Variants in DYM observed in about 807,000 individuals in gnomAD.
DYM encodes dyggve-Melchior-Clausen syndrome protein.
DYM carries 78 observed loss-of-function variants against 93.1 expected under a neutral mutation model. That is an observed-to-expected ratio of 0.84 (90% confidence interval 0.70 to 1.01). The LOEUF (loss-of-function observed/expected upper bound fraction) is 1.01. Among genes scored for constraint, DYM ranks in the 50% least tolerant of loss-of-function variants. The probability of loss-of-function intolerance (pLI) is 0.00; values close to 1 mark genes in which losing one functional copy is unlikely to be tolerated. For missense variants in DYM, 789 were observed against 845.0 expected, an observed-to-expected ratio of 0.93 and a Z score of 0.82; for synonymous variants, 321 against 319.7, an observed-to-expected ratio of 1.00 and a Z score of -0.04.
chr18:49,143,526 G>A (rs747907507), intron 15 of DYM, among the ~76,000 whole-genome samples: 16 of 152,118 alleles, frequency 1.1e-4, no homozygotes, highest in South Asian at 6.2e-4. Context: ...TTGGCAAGCC[G>A]GATATTGGTC....
chr18:49,187,989 C>A (rs1224970927), intron 14 of DYM, among the ~76,000 whole-genome samples: 1 of 152,152 alleles, frequency 6.6e-6, no homozygotes, highest in Non-Finnish European at 1.5e-5. Context: ...CTTATTGATT[C>A]TTTTTCATTC....
intron 17 of DYM, among the ~76,000 whole-genome samples, chr18:49,047,391 C>T (rs1019382310): frequency 2.0e-5 from 3 of 152,228 alleles, no homozygotes; most frequent in Non-Finnish European, 2.9e-5. Context: ...ATGGAGGGGA[C>T]AACTTCTTTA....
At chr18:49,287,796 G>A (rs1253363330) in intron 8 of DYM, among the ~76,000 whole-genome samples, 1 of 135,064 alleles carries the variant, frequency 7.4e-6, no homozygotes, top group Non-Finnish European at 1.5e-5. Flanking sequence ...GGTGAGCTGA[G>A]ATCGCGCCAC....
rs527592675 is a variant in DYM at position 49,335,579 on chromosome 18, A to G, written c.495-1726T>C. On this transcript the variant is annotated intron_variant, in intron 6 of 17. Coordinates refer to ENST00000675505, the MANE Select transcript of DYM (RefSeq NM_001353214.3). ...GTCATGTTATGATTTACTAATGATG[A>G]TTTGATTTGGGTGCTCAGAACCCCC... Among the ~76,000 whole-genome samples the G allele has an allele frequency of 3.3e-5, 5 of 152,320 alleles. No individual in the cohort carries two copies. In the East Asian group the frequency reaches 9.6e-4, roughly 29 times the overall value.
rs752865908 is a variant in DYM at position 49,097,446 on chromosome 18, T to C, written c.1981A>G (p.Ile661Val). The C allele has an allele frequency of 2.9e-5, 47 of 1,613,946 alleles. 1 individual carries two copies. Among genetic ancestry groups the C allele is most frequent in the Middle Eastern group, 3.3e-4 (2 of 6,082 alleles). The stretch of plus-strand genomic sequence containing the variant: ...AGCGCAACGACGCCTTGCTTAATGA[T>C]TTCCAGGACCCGTTCCACTGACAGC... The part of the protein sequence containing the change: ...AELSVERVLE[I>V]IKQGVVALPK... Residue 661 changes from isoleucine to valine, a missense_variant, in exon 17 of 18, where the codon ATC becomes GTC. This residue lies in a region of DYM where 114 missense variants were observed against 105.8 expected (regional missense o/e 1.08). Transcript: ENST00000675505.
chr18:49,283,776 T>C (rs1049524632), intron 9 of DYM, among the ~76,000 whole-genome samples: 3 of 152,216 alleles, frequency 2.0e-5, no homozygotes, highest in African/African-American at 4.8e-5. Flanking sequence ...TGTGCTCTTA[T>C]GGAAAAAGAG....
intron 14 of DYM, among the ~76,000 whole-genome samples, chr18:49,170,691 A>T (rs2088563364): frequency 6.7e-6 from 1 of 148,448 alleles, no homozygotes. Flanking sequence ...GAGGCAGGAG[A>T]ATTCTTGAAC....
chr18:49,287,248 T>C (rs2059724547), intron 8 of DYM, among the ~76,000 whole-genome samples: 3 of 151,800 alleles, frequency 2.0e-5, no homozygotes, highest in Admixed American at 6.6e-5. Flanking sequence ...AGTACAAGAA[T>C]TGTTCACCAT....
chr18:49,096,627 T>C (rs1037591430), intron 17 of DYM, among the ~76,000 whole-genome samples: 2 of 152,244 alleles, frequency 1.3e-5, no homozygotes. Context: ...CATTCATGCA[T>C]TCCCCAAAGG....
chr18:49,222,586 C>G (rs1309804371), intron 13 of DYM, among the ~76,000 whole-genome samples: 1 of 152,094 alleles, frequency 6.6e-6, no homozygotes, highest in Admixed American at 6.6e-5. Flanking sequence ...AATAACTGCT[C>G]TGCGACTGAT....
chr18:49,107,644 G>T (rs573681498), intron 16 of DYM, among the ~76,000 whole-genome samples: 2 of 152,324 alleles, frequency 1.3e-5, no homozygotes, highest in East Asian at 3.9e-4. Context: ...CTCAGCTGCA[G>T]GTCTGTTGGA....
intron 13 of DYM, among the ~76,000 whole-genome samples, chr18:49,217,415 T>C (rs1223622731): frequency 6.6e-6 from 1 of 151,936 alleles, no homozygotes; most frequent in East Asian, 1.9e-4. Flanking sequence ...GCCACAAAGA[T>C]ACTCCTCGAG....
chr18:49,290,134 C>T (rs2060017427), intron 8 of DYM, among the ~76,000 whole-genome samples: 1 of 150,230 alleles, frequency 6.7e-6, no homozygotes, highest in Non-Finnish European at 1.5e-5. Flanking sequence ...GGAATGTTTA[C>T]TGTAATATTG....
intron 15 of DYM, among the ~76,000 whole-genome samples, chr18:49,156,427 C>A (rs1198117880): frequency 6.6e-6 from 1 of 150,656 alleles, no homozygotes; most frequent in African/African-American, 2.4e-5. Flanking sequence ...GCCCCCCCCT[C>A]AAAAAAAACA....
chr18:49,223,798 C>G (rs1021248408), intron 13 of DYM, among the ~76,000 whole-genome samples: 5 of 152,018 alleles, frequency 3.3e-5, no homozygotes, highest in African/African-American at 1.2e-4. Context: ...AAAAGGCAGA[C>G]ATAGGACTGA....
intron 1 of DYM, among the ~76,000 whole-genome samples, chr18:49,430,867 G>C (rs1358509506): frequency 7.5e-6 from 1 of 133,914 alleles, no homozygotes; most frequent in Non-Finnish European, 1.5e-5. Context: ...CCTGGCGACA[G>C]AGCAAGACTC....
chr18:49,048,790 G>A (rs2071986955), intron 17 of DYM, among the ~76,000 whole-genome samples: 1 of 152,178 alleles, frequency 6.6e-6, no homozygotes, highest in African/African-American at 2.4e-5. Context: ...AGAGGATCTG[G>A]AAAAAATACC....
intron 2 of DYM, 66 bp downstream of exon 2, chr18:49,430,189 A>G: frequency 6.6e-7 from 1 of 1,507,232 alleles, no homozygotes; most frequent in Non-Finnish European, 9.2e-7. Flanking sequence ...TTTTTTTTTA[A>G]TCAGCATACC....
intron 5 of DYM, among the ~76,000 whole-genome samples, chr18:49,366,685 T>C (rs1233817954): frequency 2.0e-5 from 3 of 152,170 alleles, no homozygotes; most frequent in Non-Finnish European, 4.4e-5. Context: ...CCACAATAGG[T>C]CCAGACAAAT....
Sources: allele counts gnomAD v4.1 joint callset (sites outside exome capture counted in the v4.1 genomes callset), GRCh38; gene constraint gnomAD v4.1.1; regional missense constraint gnomAD v4.1.1; transcripts MANE v1.5; gene names NCBI Gene and HGNC (gene_info 2026-07-23, HGNC 2026-07-21).